The following CRACR2A variants were observed in gnomAD, a reference collection of about 807,000 sequenced individuals.
CRACR2A encodes EF-hand calcium-binding domain-containing protein 4B.
Under a neutral mutation model 90.5 loss-of-function variants are expected in CRACR2A, and 79 were observed. The ratio of observed to expected loss-of-function variants is 0.87; its 90% CI spans 0.73 to 1.05. CRACR2A has a LOEUF of 1.05. Ranked by LOEUF, CRACR2A falls within the 50% of genes least tolerant of loss-of-function variation. The pLI is 0.00. For missense variants in CRACR2A, 823 were observed against 897.2 expected, an observed-to-expected ratio of 0.92 and a Z score of 1.06; for synonymous variants, 338 against 356.7, an observed-to-expected ratio of 0.95 and a Z score of 0.59.
At chr12:3,697,507 C>T (rs1487028670) in intron 3 of CRACR2A, among the ~76,000 whole-genome samples, 5 of 152,280 alleles carry the variant, frequency 3.3e-5, no homozygotes, top group South Asian at 4.1e-4. Context: ...AGAGAGGTTG[C>T]GTGACTTGCC....
chr12:3,651,600 G>A (rs1203770364), intron 10 of CRACR2A, among the ~76,000 whole-genome samples: 1 of 152,084 alleles, frequency 6.6e-6, no homozygotes, highest in South Asian at 2.1e-4. Context: ...GCTACCTTGA[G>A]CATCTTCAGA....
intron 1 of CRACR2A, among the ~76,000 whole-genome samples, chr12:3,741,219 C>G (rs1287870897): frequency 6.6e-6 from 1 of 152,168 alleles, no homozygotes; most frequent in Non-Finnish European, 1.5e-5. Context: ...GCCCAGATTT[C>G]TGAGGGTCCC....
intron 17 of CRACR2A, among the ~76,000 whole-genome samples, chr12:3,621,081 T>C (rs1466493138): frequency 1.3e-5 from 2 of 152,236 alleles, no homozygotes; most frequent in Non-Finnish European, 2.9e-5. Context: ...GCTTGCTGTT[T>C]AGAGCACATG....
intron 2 of CRACR2A, among the ~76,000 whole-genome samples, chr12:3,720,447 G>GAAAGAAAGAAAT (rs1946150726): frequency 7.5e-6 from 1 of 133,820 alleles, no homozygotes; most frequent in African/African-American, 2.7e-5. Context: ...AAGAAAGAAA[G>GAAAGAAAGAAAT]AAAGAAAGAA....
chr12:3,638,408 A>T lies in CRACR2A; in HGVS notation c.1318T>A (p.Ser440Thr), dbSNP rs1591645984. 4 of 1,548,166 alleles carry T rather than the reference A, an allele frequency of 2.6e-6. No individual in the cohort carries two copies. The African/African-American group carries it at 5.5e-5, about 21-fold the overall frequency. The change falls in exon 14 of 20, where the codon TCC becomes ACC. Residue 440 changes from serine to threonine, a missense_variant. Transcript: ENST00000440314. ...EEVFGIPRRS[S>T]LGLSGYPLTE... ...AGGGGATATCCACTCAGGCCCAGGG[A>T]GCTTCTCCTTGGGATGCCAAACACC... is the stretch of plus-strand genomic sequence containing the variant.
At chr12:3,622,649 C>A (rs868310740) in intron 17 of CRACR2A, among the ~76,000 whole-genome samples, 1 of 149,588 alleles carries the variant, frequency 6.7e-6, no homozygotes, top group African/African-American at 2.5e-5. Flanking sequence ...TGTGTGTGTG[C>A]GTGCGTTTTA....
intron 2 of CRACR2A, chr12:3,729,251 T>C (rs241970): frequency 0.26 from 39,630 of 152,200 alleles, 5,349 homozygotes; most frequent in Admixed American, 0.33. Flanking sequence ...ACGTTAGTTA[T>C]GAGACCACAG....
chr12:3,660,013 C>T (rs545170254), intron 7 of CRACR2A, among the ~76,000 whole-genome samples: 4 of 152,302 alleles, frequency 2.6e-5, no homozygotes, highest in African/African-American at 9.6e-5. Flanking sequence ...CTCTGCCAGA[C>T]GTATCATCCC....
chr12:3,632,937 A>G (rs904339068), intron 15 of CRACR2A, among the ~76,000 whole-genome samples: 4 of 152,210 alleles, frequency 2.6e-5, no homozygotes, highest in Non-Finnish European at 2.9e-5. Flanking sequence ...GTCTCACCAC[A>G]TATTCCAATG....
chr12:3,619,999 G>A (rs1049190456), intron 17 of CRACR2A, among the ~76,000 whole-genome samples: 13 of 152,258 alleles, frequency 8.5e-5, no homozygotes, highest in African/African-American at 2.9e-4. Context: ...TGGCTCTGAA[G>A]AAAGCCCTGT....
At position 3,686,078 on chromosome 12, in the gene CRACR2A, G is replaced by A. The variant is rs1347588841; in HGVS notation, c.229-5729C>T. Among the ~76,000 whole-genome samples the A allele has an allele frequency of 2.6e-5, 4 of 152,198 alleles. No individual in the cohort carries two copies. In the East Asian group the frequency reaches 7.7e-4, roughly 29 times the overall value. ...GGGAGGTAGCTATAAATAATTCACA[G>A]CTGAGAAACTGTAGCCTAGAGGGGT... On this transcript the variant is annotated intron_variant, in intron 4 of 19. Coordinates refer to ENST00000440314, the MANE Select transcript of CRACR2A (RefSeq NM_001144958.2).
At chr12:3,713,145 A>G (rs1222955468) in intron 3 of CRACR2A, 92 bp downstream of exon 3, 3 of 478,872 alleles carry the variant, frequency 6.3e-6, no homozygotes, top group Non-Finnish European at 8.2e-6. Flanking sequence ...AACAGCTACA[A>G]TAGTGCTAAC....
At chr12:3,647,578 GCCTGGTCA>G (rs905267145) in intron 11 of CRACR2A, among the ~76,000 whole-genome samples, 3 of 152,038 alleles carry the variant, frequency 2.0e-5, no homozygotes, top group Non-Finnish European at 4.4e-5. Flanking sequence ...ATGGATTATA[GCCTGGTCA>G]CCTAAGAACC....
At chr12:3,733,697 ACTT>A (rs1282571890) in intron 1 of CRACR2A, among the ~76,000 whole-genome samples, 11 of 152,040 alleles carry the variant, frequency 7.2e-5, no homozygotes, top group South Asian at 2.1e-4. Context: ...CTTCCTCCAG[ACTT>A]CTTATTACAC....
chr12:3,703,834 C>T (rs1427210150), intron 3 of CRACR2A, among the ~76,000 whole-genome samples: 1 of 152,182 alleles, frequency 6.6e-6, no homozygotes, highest in Admixed American at 6.5e-5. Context: ...TATTCACCCT[C>T]ATTACTTATA....
chr12:3,629,335 C>T (rs891219916), intron 15 of CRACR2A, among the ~76,000 whole-genome samples: 1 of 152,174 alleles, frequency 6.6e-6, no homozygotes, highest in Admixed American at 6.5e-5. Flanking sequence ...CCTAGAAGGC[C>T]CAGGGCTAAG....
Sources: allele counts gnomAD v4.1 joint callset (sites outside exome capture counted in the v4.1 genomes callset), GRCh38; gene constraint gnomAD v4.1.1; transcripts MANE v1.5; gene names NCBI Gene and HGNC (gene_info 2026-07-23, HGNC 2026-07-21).